Variants in HADHA observed in about 807,000 individuals in gnomAD.
HADHA encodes the protein hydroxyacyl-CoA dehydrogenase trifunctional multienzyme complex subunit alpha.
A neutral mutation model predicts 91.3 loss-of-function variants in HADHA; 59 were observed. The observed-to-expected ratio is 0.65, with a 90% CI of 0.52 to 0.80. HADHA has a LOEUF of 0.80. HADHA is among the 30% of genes least tolerant of loss of function. The pLI is 0.00. For missense variants in HADHA, 800 were observed against 927.6 expected (o/e 0.86, Z 1.79); for synonymous variants, 320 against 338.9 (o/e 0.94, Z 0.61).
At chr2:26,240,761 A>G (rs951554484) in intron 1 of HADHA, among the ~76,000 whole-genome samples, 47 of 152,154 alleles carry the variant, frequency 3.1e-4, no homozygotes, top group African/African-American at 1.1e-3. Flanking sequence ...ATGTGCCACT[A>G]TGCCCCACTG....
intron 1 of HADHA, among the ~76,000 whole-genome samples, chr2:26,242,686 A>T (rs911522179): frequency 4.6e-5 from 7 of 152,230 alleles, no homozygotes; most frequent in Non-Finnish European, 1.0e-4. Flanking sequence ...ACAGAAATTA[A>T]TTGCCCAAGG....
Position 26,214,361 on chromosome 2 carries a change from TG to T in HADHA, c.918+81del. 1.3e-6 allele frequency: 1 copy of T among 799,954 alleles called. No individual in the cohort carries two copies. The highest frequency in any genetic ancestry group is 2.3e-6 in the Non-Finnish European group (1 of 438,296). The allele number at this position is 799,954 out of a possible 1,614,324, so 49.6% of individuals were successfully genotyped here. A position where few individuals can be genotyped will look rare whatever the true frequency, so the allele number is the denominator to read the frequency against. On this transcript the variant is annotated intron_variant, in intron 9 of 19. Coordinates refer to ENST00000380649, the MANE Select transcript of HADHA (RefSeq NM_000182.5). The surrounding 1 kb of genome is among the most constrained non-coding windows in gnomAD (Gnocchi z 4.1). Reference sequence around the variant, plus strand: ...TAAGAAATTTAGTACTCAACATACATGGTCCAGAATGGCAATAAGGAGGAGT... The same window carrying T: ...TAAGAAATTTAGTACTCAACATACATGTCCAGAATGGCAATAAGGAGGAGT...
intron 13 of HADHA, among the ~76,000 whole-genome samples, chr2:26,200,517 G>C (rs770134068): frequency 3.3e-5 from 5 of 152,134 alleles, no homozygotes; most frequent in Non-Finnish European, 5.9e-5. Flanking sequence ...TGCAGCCTTA[G>C]ACCTGAAGAG....
chr2:26,204,208 G>A lies in HADHA; in HGVS notation c.1086-12C>T, dbSNP rs767692992. 7.4e-6 allele frequency: 12 copies of A among 1,612,844 alleles called. No individual in the cohort carries two copies. In the African/African-American group the frequency reaches 1.6e-4, roughly 22 times the overall value. ...GAATAGCCAGATGCCTGCAAGGCAA[G>A]GATGAAATGACTTTCGGTAAACTGA... On this transcript the variant is annotated splice_polypyrimidine_tract_variant and intron_variant, in intron 11 of 19. Transcript: ENST00000380649.
In HADHA at chr2:26,192,223, A is replaced by AC. The variant is rs200373328; in HGVS notation, c.2000+86_2000+87insG. On this transcript the variant is annotated intron_variant, in intron 18 of 19. Transcript: ENST00000380649. ...GTATCCCAGGACTTAAAGTATTAAA[A>AC]AAAAAAAAAAATGGAAGAGGGGCTG... 762 of 749,130 alleles carry AC rather than the reference A, an allele frequency of 1.0e-3. 3 individuals carry two copies. Among genetic ancestry groups the AC allele is most frequent in the South Asian group, 6.2e-3 (406 of 65,426 alleles). The allele number at this position is 749,130 out of a possible 1,614,324, so 46.4% of individuals were successfully genotyped here.
intron 14 of HADHA, 85 bp downstream of exon 14, chr2:26,197,602 ACTGT>A: frequency 2.6e-6 from 2 of 780,674 alleles, no homozygotes; most frequent in South Asian, 2.7e-5. Flanking sequence ...TCCGTAATCC[ACTGT>A]CTCTTCTGTA....
chr2:26,240,298 C>G (rs941929127), intron 1 of HADHA, among the ~76,000 whole-genome samples: 2 of 152,024 alleles, frequency 1.3e-5, no homozygotes, highest in African/African-American at 2.4e-5. Context: ...TGGAGTACAG[C>G]AGGACATTCA....
At chr2:26,203,911 A>G (rs1178457656) in intron 12 of HADHA, 151 bp downstream of exon 12, 5 of 783,054 alleles carry the variant, frequency 6.4e-6, no homozygotes, top group Non-Finnish European at 8.7e-6. Flanking sequence ...TGGCTTCACT[A>G]CGGAGTATCT....
At chr2:26,208,724 G>T (rs1324409653) in intron 11 of HADHA, among the ~76,000 whole-genome samples, 2 of 152,182 alleles carry the variant, frequency 1.3e-5, no homozygotes, top group Admixed American at 6.5e-5. Context: ...CTGCAACATG[G>T]AAGTAATTTA....
chr2:26,228,328 G>A (rs1273269573), intron 7 of HADHA, among the ~76,000 whole-genome samples: 1 of 151,826 alleles, frequency 6.6e-6, no homozygotes, highest in African/African-American at 2.4e-5. Flanking sequence ...ATGGGGTTTC[G>A]CCATGTTGGT....
chr2:26,212,693 T>TA, intron 9 of HADHA, 67 bp from the exon 10 acceptor site: 1 of 1,034,080 alleles, frequency 9.7e-7, no homozygotes, highest in Non-Finnish European at 1.5e-6. Context: ...TAATGCTGAA[T>TA]AAAATTGCCA....
intron 7 of HADHA, 99 bp from the exon 8 acceptor site, chr2:26,215,274 C>T (rs1029162793): frequency 1.1e-5 from 12 of 1,062,186 alleles, no homozygotes; most frequent in African/African-American, 3.1e-5. Flanking sequence ...CCTAGCACAG[C>T]GTTCCATTTC....
chr2:26,203,890 C>T (rs1669913112), intron 12 of HADHA, among the ~76,000 whole-genome samples, 172 bp downstream of exon 12: 1 of 152,092 alleles, frequency 6.6e-6, no homozygotes. Flanking sequence ...TTCTAAAAAT[C>T]AAAAGAAACT....
chr2:26,233,026 A>G (rs577745612), intron 5 of HADHA, among the ~76,000 whole-genome samples: 12 of 152,146 alleles, frequency 7.9e-5, no homozygotes, highest in African/African-American at 2.7e-4. Flanking sequence ...TCATCAGGCA[A>G]TAGAGGCCAA....
Position 26,191,636 on chromosome 2 carries a change from CAGAA to C in HADHA, c.2001-12_2001-9del. ...ATGTCTTCGTCTGATGAGCTGCCAA[CAGAA>C]AGAGATGTTTAGGTAGAAGAAGAGG... On this transcript the variant is annotated splice_polypyrimidine_tract_variant and intron_variant, in intron 18 of 19. Transcript: ENST00000380649. 1 of 1,613,860 alleles carries C rather than the reference CAGAA, an allele frequency of 6.2e-7. No homozygotes were observed. Among genetic ancestry groups the C allele is most frequent in the Non-Finnish European group, 8.5e-7 (1 of 1,179,846 alleles).
intron 6 of HADHA, 81 bp downstream of exon 6, chr2:26,232,079 G>A: frequency 2.1e-6 from 2 of 957,542 alleles, no homozygotes; most frequent in Non-Finnish European, 3.4e-6. Context: ...ATTCTACAAT[G>A]AATGCCCATA....
At chr2:26,209,081 T>C (rs554647971) in intron 11 of HADHA, among the ~76,000 whole-genome samples, 1 of 152,314 alleles carries the variant, frequency 6.6e-6, no homozygotes, top group South Asian at 2.1e-4. Flanking sequence ...TGGTGGGGAC[T>C]ATCTGTGCAT....
chr2:26,215,015 A>G (rs1367876068), intron 8 of HADHA, 38 bp downstream of exon 8: 1 of 1,562,602 alleles, frequency 6.4e-7, no homozygotes, highest in African/African-American at 1.4e-5. Context: ...ATTCTCAGGA[A>G]AGAAGCTTTG....
intron 10 of HADHA, among the ~76,000 whole-genome samples, chr2:26,211,226 T>G (rs1280671748): frequency 6.6e-6 from 1 of 152,192 alleles, no homozygotes; most frequent in Non-Finnish European, 1.5e-5. Context: ...TCCTCAATTT[T>G]TCTGTACGTA....
Sources: allele counts gnomAD v4.1 joint callset (sites outside exome capture counted in the v4.1 genomes callset), GRCh38; gene constraint gnomAD v4.1.1; non-coding constraint Gnocchi (gnomAD v3.1); transcripts MANE v1.5; gene names NCBI Gene and HGNC (gene_info 2026-07-23, HGNC 2026-07-21).